Variants in KATNIP observed in about 807,000 individuals in gnomAD.
The protein encoded by KATNIP is katanin interacting protein, also known as katanin-interacting protein.
In KATNIP, 126 loss-of-function variants were observed where a neutral mutation model predicts 174.0. That is an observed-to-expected ratio of 0.72 (90% CI 0.63 to 0.84). The LOEUF (loss-of-function observed/expected upper bound fraction) is 0.84, where lower values mean the gene tolerates loss of function less well. KATNIP is among the 40% of genes least tolerant of loss of function. The pLI is 0.00. For missense variants in KATNIP, 1,958 were observed against 2,109.7 expected (o/e 0.93, Z 1.41); for synonymous variants, 810 against 835.7 (o/e 0.97, Z 0.53).
intron 2 of KATNIP, among the ~76,000 whole-genome samples, chr16:27,604,634 G>A (rs2075643703): frequency 6.6e-6 from 1 of 152,184 alleles, no homozygotes. Flanking sequence ...CCAGAGACTA[G>A]TTCAGGGCCC....
At chr16:27,559,138 A>G (rs2089747578) in intron 1 of KATNIP, among the ~76,000 whole-genome samples, 1 of 152,222 alleles carries the variant, frequency 6.6e-6, no homozygotes, top group Admixed American at 6.5e-5. Context: ...GTTGGTTGCA[A>G]GGAAGAACTT....
At chr16:27,558,018 C>T (rs544880392) in intron 1 of KATNIP, among the ~76,000 whole-genome samples, 1 of 152,318 alleles carries the variant, frequency 6.6e-6, no homozygotes, top group South Asian at 2.1e-4. Context: ...TGGCTTCTCT[C>T]ATTGTGTCTG....
At chr16:27,610,315 T>C (rs1277594674) in intron 2 of KATNIP, among the ~76,000 whole-genome samples, 1 of 152,146 alleles carries the variant, frequency 6.6e-6, no homozygotes, top group Non-Finnish European at 1.5e-5. Flanking sequence ...GCAGTAGTTT[T>C]CATATGGAGC....
intron 13 of KATNIP, among the ~76,000 whole-genome samples, chr16:27,713,831 T>C (rs867033506): frequency 1.4e-5 from 1 of 72,326 alleles, no homozygotes; most frequent in African/African-American, 6.3e-5. Flanking sequence ...TATATATATA[T>C]ATATATATAT....
At chr16:27,661,715 C>G (rs2077480813) in intron 6 of KATNIP, among the ~76,000 whole-genome samples, 1 of 148,304 alleles carries the variant, frequency 6.7e-6, no homozygotes, top group Non-Finnish European at 1.5e-5. Context: ...TGTTTGATTT[C>G]CCCCAATTAT....
intron 6 of KATNIP, among the ~76,000 whole-genome samples, chr16:27,651,374 AATGGCAATG>A (rs1348628531): frequency 1.3e-5 from 2 of 152,136 alleles, no homozygotes; most frequent in African/African-American, 4.8e-5. Context: ...GTAAGAGTAA[AATGGCAATG>A]CCAGTTTTCA....
intron 8 of KATNIP, among the ~76,000 whole-genome samples, chr16:27,696,029 G>A (rs2078901117): frequency 6.6e-6 from 1 of 151,978 alleles, no homozygotes; most frequent in African/African-American, 2.4e-5. Context: ...CTGTTGGGTG[G>A]GTGTACCATA....
chr16:27,734,418 G>T (rs2080823415), intron 14 of KATNIP, among the ~76,000 whole-genome samples: 5 of 145,022 alleles, frequency 3.4e-5, no homozygotes, highest in African/African-American at 1.0e-4. Context: ...AAAAAAAAAG[G>T]CCAGGTGCAG....
At chr16:27,568,061 A>T (rs753805353) in intron 1 of KATNIP, among the ~76,000 whole-genome samples, 1 of 152,242 alleles carries the variant, frequency 6.6e-6, no homozygotes, top group Non-Finnish European at 1.5e-5. Context: ...TCTTTATGCA[A>T]ATAGAACCAA....
intron 2 of KATNIP, among the ~76,000 whole-genome samples, chr16:27,614,140 C>G (rs1010891308): frequency 6.6e-6 from 1 of 151,224 alleles, no homozygotes; most frequent in Non-Finnish European, 1.5e-5. Context: ...TGCAGTGGTG[C>G]TATCTCAGCT....
chr16:27,661,924 A>C (rs1411393792), intron 6 of KATNIP, among the ~76,000 whole-genome samples: 8 of 47,280 alleles, frequency 1.7e-4, no homozygotes, highest in Non-Finnish European at 2.7e-4. Context: ...ATATATATAT[A>C]TATATATATA....
At chr16:27,619,448 A>T (rs753117591) in intron 3 of KATNIP, among the ~76,000 whole-genome samples, 73 of 152,198 alleles carry the variant, frequency 4.8e-4, no homozygotes, top group Non-Finnish European at 9.0e-4. Context: ...GGGAATGGGT[A>T]CGAATGTGGG....
At chr16:27,630,544 G>A (rs1351013580) in intron 4 of KATNIP, among the ~76,000 whole-genome samples, 1 of 152,208 alleles carries the variant, frequency 6.6e-6, no homozygotes, top group Non-Finnish European at 1.5e-5. Context: ...GAAACCAGTG[G>A]CTCTCCTAGT....
At chr16:27,697,878 G>C (rs1228679803) in intron 8 of KATNIP, among the ~76,000 whole-genome samples, 1 of 151,614 alleles carries the variant, frequency 6.6e-6, no homozygotes, top group Non-Finnish European at 1.5e-5. Context: ...CTCCTGAACT[G>C]TGTGTGTGTG....
At position 27,749,678 on chromosome 16, in the gene KATNIP, C is replaced by T. The variant is rs541983462; in HGVS notation, c.2718C>T (p.Phe906=). The part of the protein sequence containing the change: ...LHESWSSLSA[F]DRSHRGRISN... ...AGTCATGGAGCTCCCTCAGTGCCTT[C>T]GACCGCTCCCACCGGGGACGCATCT... The change falls in exon 16 of 28, where the codon TTC becomes TTT. Residue 906 remains phenylalanine (F), a synonymous_variant. Transcript: ENST00000261588. 8 of 1,612,568 alleles carry T rather than the reference C, an allele frequency of 5.0e-6. No homozygotes were observed. In the African/African-American group the frequency reaches 6.7e-5, roughly 13 times the overall value.
chr16:27,733,821 A>G (rs2143346130), intron 14 of KATNIP, among the ~76,000 whole-genome samples: 1 of 152,290 alleles, frequency 6.6e-6, no homozygotes. Flanking sequence ...ACAGAGCTGC[A>G]CTGAGGGGGC....
At chr16:27,763,790 C>T (rs1267208141) in intron 19 of KATNIP, among the ~76,000 whole-genome samples, 1 of 152,124 alleles carries the variant, frequency 6.6e-6, no homozygotes, top group Non-Finnish European at 1.5e-5. Context: ...GTCTCTTAAG[C>T]CTCTCTAGGT....
chr16:27,671,185 T>A (rs2077888686), intron 6 of KATNIP, among the ~76,000 whole-genome samples: 1 of 152,114 alleles, frequency 6.6e-6, no homozygotes, highest in Non-Finnish European at 1.5e-5. Context: ...AGAGCAAGAC[T>A]CCATCTCAAA....
At chr16:27,617,172 A>C (rs1158074077) in intron 2 of KATNIP, among the ~76,000 whole-genome samples, 1 of 152,214 alleles carries the variant, frequency 6.6e-6, no homozygotes, top group Non-Finnish European at 1.5e-5. Flanking sequence ...TTTTGGCTGC[A>C]AATGACAGAA....
Sources: gnomAD v4.1 joint callset for allele counts (sites outside exome capture counted in the v4.1 genomes callset) on GRCh38, gnomAD v4.1.1 for gene constraint, MANE v1.5 for transcripts, NCBI Gene and HGNC (gene_info 2026-07-23, HGNC 2026-07-21) for gene names.